Variants in ICA1 observed in about 807,000 individuals in gnomAD.
The protein encoded by ICA1 is 69 kDa islet cell autoantigen.
A neutral mutation model predicts 71.0 loss-of-function variants in ICA1; 40 were observed. That is an observed-to-expected ratio of 0.56 (90% CI 0.44 to 0.73). ICA1 has a LOEUF of 0.73. ICA1 is among the 30% of genes least tolerant of loss of function. The pLI is 0.00. For missense variants in ICA1, 578 were observed against 576.5 expected (o/e 1.00, Z -0.03); for synonymous variants, 207 against 209.5 (o/e 0.99, Z 0.10).
At chr7:8,255,621 T>A (rs1485929277) in intron 1 of ICA1, among the ~76,000 whole-genome samples, 2 of 152,170 alleles carry the variant, frequency 1.3e-5, no homozygotes, top group African/African-American at 4.8e-5. Flanking sequence ...GATGGTAATC[T>A]TCACCTGGAT....
intron 8 of ICA1, among the ~76,000 whole-genome samples, chr7:8,147,982 C>A (rs1207929044): frequency 2.0e-5 from 3 of 152,032 alleles, no homozygotes; most frequent in Non-Finnish European, 4.4e-5. Context: ...GGTGAATGTG[C>A]GATTCTACAT....
chr7:8,200,228 A>G (rs1789095504), intron 6 of ICA1, among the ~76,000 whole-genome samples: 2 of 151,118 alleles, frequency 1.3e-5, no homozygotes, highest in South Asian at 4.2e-4. Context: ...AAAATTAAAA[A>G]GTACATCAAC....
intron 8 of ICA1, among the ~76,000 whole-genome samples, chr7:8,153,159 A>G (rs989022500): frequency 6.6e-6 from 1 of 152,188 alleles, no homozygotes; most frequent in Non-Finnish European, 1.5e-5. Context: ...GGCTCCAGAG[A>G]TTGTGCTTTT....
At chr7:8,149,481 C>T (rs1417446974) in intron 8 of ICA1, among the ~76,000 whole-genome samples, 2 of 152,198 alleles carry the variant, frequency 1.3e-5, no homozygotes, top group Non-Finnish European at 2.9e-5. Flanking sequence ...ACTCGCAGAT[C>T]GAGCTTGCAA....
intron 6 of ICA1, among the ~76,000 whole-genome samples, chr7:8,217,638 A>C (rs188877393): frequency 6.0e-4 from 91 of 152,356 alleles, no homozygotes; most frequent in Non-Finnish European, 1.0e-3. Flanking sequence ...CTGCATTTTC[A>C]TAAATATTCA....
At chr7:8,252,536 G>C (rs781329884) in intron 1 of ICA1, among the ~76,000 whole-genome samples, 1 of 152,104 alleles carries the variant, frequency 6.6e-6, no homozygotes, top group Non-Finnish European at 1.5e-5. Flanking sequence ...CATGTAATAT[G>C]AGCACTTGAG....
At chr7:8,227,554 T>C (rs1798976619) in intron 4 of ICA1, 1 of 309,450 alleles carries the variant, frequency 3.2e-6, no homozygotes, top group Admixed American at 4.5e-5. Flanking sequence ...AGATAATTTA[T>C]AAAATACTGC....
intron 6 of ICA1, among the ~76,000 whole-genome samples, chr7:8,188,308 G>A (rs947417120): frequency 2.6e-5 from 4 of 152,034 alleles, no homozygotes; most frequent in Admixed American, 2.0e-4. Flanking sequence ...TCATTTCTAC[G>A]CTGAAAATCT....
At position 8,114,237 on chromosome 7, in the gene ICA1, G is replaced by T. The variant is rs1265042188; in HGVS notation, c.1331-193C>A. The T allele has an allele frequency of 6.8e-6, 4 of 590,792 alleles. No homozygotes were observed. The East Asian group carries it at 1.2e-4, about 17-fold the overall frequency. The allele number at this position is 590,792 out of a possible 1,614,324, so 36.6% of individuals were successfully genotyped here. On this transcript the variant is annotated intron_variant, in intron 13 of 13. Coordinates refer to ENST00000402384, the MANE Select transcript of ICA1 (RefSeq NM_001136020.3). The stretch of plus-strand genomic sequence containing the variant: ...TTGGCCAGTTAACATTTCCAAACCA[G>T]GGCCTGAAGCTCCGAGAATAACAAG...
intron 1 of ICA1, among the ~76,000 whole-genome samples, chr7:8,248,718 C>T (rs577187466): frequency 6.6e-6 from 1 of 152,108 alleles, no homozygotes. Flanking sequence ...GCCCACCACT[C>T]CCTCAACCTC....
intron 6 of ICA1, among the ~76,000 whole-genome samples, chr7:8,207,163 T>A (rs1791896173): frequency 6.6e-6 from 1 of 152,124 alleles, no homozygotes; most frequent in Non-Finnish European, 1.5e-5. Flanking sequence ...TGTCTCAGAG[T>A]CACAGCTGGA....
intron 6 of ICA1, among the ~76,000 whole-genome samples, chr7:8,182,497 G>A (rs1782508852): frequency 6.6e-6 from 1 of 152,164 alleles, no homozygotes; most frequent in African/African-American, 2.4e-5. Flanking sequence ...CCTGGAAACA[G>A]AAGTCATTAA....
At chr7:8,126,742 T>G (rs910670236) in intron 13 of ICA1, among the ~76,000 whole-genome samples, 1 of 152,192 alleles carries the variant, frequency 6.6e-6, no homozygotes. Context: ...GTTTGATAAT[T>G]TCTTAAGTGA....
intron 8 of ICA1, among the ~76,000 whole-genome samples, chr7:8,152,372 C>CT (rs1799113525): frequency 6.6e-6 from 1 of 151,964 alleles, no homozygotes; most frequent in African/African-American, 2.4e-5. Context: ...TCTGGATCTA[C>CT]TATAGAATTC....
chr7:8,237,728 T>G (rs1481577441), intron 1 of ICA1, among the ~76,000 whole-genome samples: 2 of 152,142 alleles, frequency 1.3e-5, no homozygotes, highest in Admixed American at 1.3e-4. Flanking sequence ...CTTAGCATAA[T>G]GCATTTAAGG....
intron 8 of ICA1, among the ~76,000 whole-genome samples, chr7:8,154,432 A>C (rs1341972748): frequency 1.3e-5 from 2 of 152,190 alleles, no homozygotes; most frequent in Admixed American, 1.3e-4. Context: ...CAGTCAGGAA[A>C]TACAGCTGCA....
chr7:8,203,964 T>C (rs1296892844), intron 6 of ICA1, among the ~76,000 whole-genome samples: 1 of 151,954 alleles, frequency 6.6e-6, no homozygotes, highest in East Asian at 1.9e-4. Context: ...GACCTGCCAT[T>C]TCACCTCAAA....
chr7:8,167,637 A>T (rs1164797879), intron 6 of ICA1, among the ~76,000 whole-genome samples: 3 of 152,100 alleles, frequency 2.0e-5, no homozygotes, highest in African/African-American at 7.2e-5. Flanking sequence ...ATAAATGTTA[A>T]AAAAAAGCAT....
rs1783931153 is a variant in ICA1 at position 8,113,944 on chromosome 7, T to C, written c.1431A>G (p.Glu477=). The C allele has an allele frequency of 6.2e-7, 1 of 1,614,000 alleles. No homozygotes were observed. Among genetic ancestry groups the C allele is most frequent in the South Asian group, 1.1e-5 (1 of 91,082 alleles). Residue 477 remains glutamate, a synonymous_variant, in exon 14 of 14, where the codon GAA becomes GAG. Transcript: ENST00000402384. This position sits in a 1 kb window ranked among gnomAD's most constrained non-coding sequence, Gnocchi z 4.2. ...AGATTCATGCATTGAGCAATTCGTG[T>C]TCTTTATCGGTTTTCCCAACAGCAT... ...NPDAVGKTDK[E]HELLNA
Sources: allele counts gnomAD v4.1 joint callset (sites outside exome capture counted in the v4.1 genomes callset), GRCh38; gene constraint gnomAD v4.1.1; non-coding constraint Gnocchi (gnomAD v3.1); transcripts MANE v1.5; gene names NCBI Gene and HGNC (gene_info 2026-07-23, HGNC 2026-07-21).